Variants in VPS9D1 observed in about 807,000 individuals in gnomAD.
The protein encoded by VPS9D1 is VPS9 domain-containing protein 1.
A neutral mutation model predicts 75.8 loss-of-function variants in VPS9D1; 78 were observed. The ratio of observed to expected loss-of-function variants is 1.03; its 90% CI spans 0.86 to 1.24. The LOEUF is 1.24. Among genes scored for constraint, VPS9D1 ranks in the 50% most tolerant of loss-of-function variants. The pLI is 0.00. For synonymous variants in VPS9D1, 481 were observed against 385.6 expected (o/e 1.25, Z -2.90); for missense variants, 1,057 against 847.7 (o/e 1.25, Z -3.07).
intron 2 of VPS9D1, among the ~76,000 whole-genome samples, chr16:89,718,699 T>C (rs62068372): frequency 0.16 from 24,918 of 151,668 alleles, 2,659 homozygotes; most frequent in Middle Eastern, 0.31. Context: ...GGCTCAGCCA[T>C]GCCTTTTTCT....
At chr16:89,709,183 G>A in intron 12 of VPS9D1, 44 bp downstream of exon 12, 2 of 1,605,332 alleles carry the variant, frequency 1.2e-6, no homozygotes, top group East Asian at 2.2e-5. Context: ...GTCACCTACT[G>A]GGATGGGAGC....
At position 89,708,957 on chromosome 16, in the gene VPS9D1, C is replaced by A; in HGVS notation, c.1598-1G>T. On this transcript the variant is annotated splice_acceptor_variant, in intron 12 of 14. Coordinates refer to ENST00000389386, the MANE Select transcript of VPS9D1 (RefSeq NM_004913.3). LOFTEE classifies it high-confidence loss of function. Reference sequence around the variant, plus strand: ...ACACAGATGATCCGCAGGGTCCGCACTGCGCCCCAGACAGGGTTTCAGGGG... The same window carrying A: ...ACACAGATGATCCGCAGGGTCCGCAATGCGCCCCAGACAGGGTTTCAGGGG... The A allele has an allele frequency of 6.3e-7, 1 of 1,597,346 alleles. No individual in the cohort carries two copies. The highest frequency in any genetic ancestry group is 1.7e-5 in the Admixed American group (1 of 58,206).
Position 89,719,107 on chromosome 16 carries a change from G to C in VPS9D1, c.100-5C>G, listed in dbSNP as rs1397606627. On this transcript the variant is annotated splice_region_variant and splice_polypyrimidine_tract_variant and intron_variant, in intron 1 of 14. Coordinates refer to ENST00000389386, the MANE Select transcript of VPS9D1 (RefSeq NM_004913.3). ...CAGGTATTCCGTGTATGCCTCCTGT[G>C]TCCAGGAAAGAGAAAGAGTGGGGTC... 1.2e-6 allele frequency: 2 copies of C among 1,613,258 alleles called. No individual in the cohort carries two copies. Among genetic ancestry groups the C allele is most frequent in the African/African-American group, 1.3e-5 (1 of 75,056 alleles).
At chr16:89,709,024 C>CCCGGG in intron 12 of VPS9D1, 68 bp from the exon 13 acceptor site, 3 of 1,416,794 alleles carry the variant, frequency 2.1e-6, no homozygotes, top group Non-Finnish European at 2.8e-6. Context: ...CCTTATACCC[C>CCCGGG]GCCCACCCAC....
chr16:89,716,333 T>G lies in VPS9D1; in HGVS notation c.431+129A>C. ...GTGAGCCAAGATTGAGCCGCTGCAC[T>G]CCAGCCTGGGTGACAGAGTGAGACT... On this transcript the variant is annotated intron_variant, in intron 4 of 14. Coordinates refer to ENST00000389386, the MANE Select transcript of VPS9D1 (RefSeq NM_004913.3). 4 of 1,413,752 alleles carry G rather than the reference T, an allele frequency of 2.8e-6. No individual in the cohort carries two copies. In the South Asian group the frequency reaches 4.9e-5, roughly 17 times the overall value. The allele number at this position is 1,413,752 out of a possible 1,614,324, so 87.6% of individuals were successfully genotyped here.
intron 10 of VPS9D1, 81 bp downstream of exon 10, chr16:89,710,505 T>C: frequency 6.9e-7 from 1 of 1,449,924 alleles, no homozygotes; most frequent in Non-Finnish European, 9.3e-7. Flanking sequence ...AACAGACCCT[T>C]CCCCAAACAG....
At chr16:89,714,331 G>A (rs940592185) in intron 4 of VPS9D1, among the ~76,000 whole-genome samples, 1 of 152,060 alleles carries the variant, frequency 6.6e-6, no homozygotes, top group African/African-American at 2.4e-5. Flanking sequence ...GCCCAGGGAA[G>A]GCAAAAGATT....
At chr16:89,712,580 C>T (rs2060960479) in intron 5 of VPS9D1, 25 bp downstream of exon 5, 2 of 1,609,404 alleles carry the variant, frequency 1.2e-6, no homozygotes, top group African/African-American at 2.7e-5. Context: ...CACGCACCCC[C>T]AGGCCCTCCC....
chr16:89,712,061 C>A lies in VPS9D1; in HGVS notation c.645G>T (p.Gln215His). ...AGGAGTCCCACCTGTTGGCGGCCTC[C>A]TGGAGCCGCAGCCGGCGCTCCTCCA... Reference protein sequence around the residue: ...RKMEERRLRLQEAANRRFCSQ... With the variant: ...RKMEERRLRLHEAANRRFCSQ... Residue 215 changes from glutamine to histidine, a missense_variant, in exon 7 of 15, where the codon CAG becomes CAT. Gln to His is a conservative substitution (Grantham distance 24, BLOSUM62 0). Transcript: ENST00000389386. The A allele has an allele frequency of 6.5e-7, 1 of 1,548,706 alleles. No homozygotes were observed. Among genetic ancestry groups the A allele is most frequent in the Non-Finnish European group, 8.7e-7 (1 of 1,146,796 alleles).
intron 2 of VPS9D1, chr16:89,717,569 C>T: frequency 2.2e-6 from 1 of 456,528 alleles, no homozygotes; most frequent in Non-Finnish European, 4.4e-6. Context: ...CACCTCCCTG[C>T]TGCCCTTCAC....
rs756693039 is a variant in VPS9D1, at chr16:89,716,501, A to T, written c.392T>A (p.Phe131Tyr). The T allele has an allele frequency of 1.2e-6, 2 of 1,613,846 alleles. No homozygotes were observed. The highest frequency in any genetic ancestry group is 1.7e-6 in the Non-Finnish European group (2 of 1,179,952). Residue 131 changes from phenylalanine (F) to tyrosine (Y), a missense_variant, in exon 4 of 15, where the codon TTC (phenylalanine) becomes TAC (tyrosine). Transcript: ENST00000389386. Reference sequence around the variant, plus strand: ...TGACTCTGCCCCCTGAAGCTTCTGGAAGATCTCGGGTGGCAGAAAAGGAGA... The same window carrying T: ...TGACTCTGCCCCCTGAAGCTTCTGGTAGATCTCGGGTGGCAGAAAAGGAGA... ...KLSPFLPPEIFQKLQGAESQS... is the reference protein window; with the variant it reads ...KLSPFLPPEIYQKLQGAESQS...
chr16:89,710,760 A>AC lies in VPS9D1; in HGVS notation c.1083dup (p.Ser362ValfsTer30). 1.3e-6 allele frequency: 2 copies of AC among 1,566,544 alleles called. No individual in the cohort carries two copies. Among genetic ancestry groups the AC allele is most frequent in the Non-Finnish European group, 1.7e-6 (2 of 1,155,872 alleles). ...GCGGTGTCCCCCAGGGGTGAGGGAG[A>AC]CCCCACGGGGCCGGGTTGGAGTGGG... On this transcript the variant is annotated frameshift_variant, in exon 10 of 15. Coordinates refer to ENST00000389386, the MANE Select transcript of VPS9D1 (RefSeq NM_004913.3). LOFTEE classifies it high-confidence loss of function.
Position 89,710,757 on chromosome 16 carries a change from G to A in VPS9D1, c.1087C>T (p.Pro363Ser), listed in dbSNP as rs1349692881. 6.4e-6 allele frequency: 10 copies of A among 1,569,400 alleles called. No individual in the cohort carries two copies. The East Asian group carries it at 7.1e-5, about 11-fold the overall frequency. ...PPLQPGPVGS[P>S]SPLGDTASGL... ...GATGCGGTGTCCCCCAGGGGTGAGGGAGACCCCACGGGGCCGGGTTGGAGT... is the reference window on the plus strand; with the variant it reads ...GATGCGGTGTCCCCCAGGGGTGAGGAAGACCCCACGGGGCCGGGTTGGAGT... Residue 363 changes from proline (P) to serine (S), a missense_variant, in exon 10 of 15, where the codon CCC becomes TCC. By Grantham distance (74) the Pro-to-Ser change is moderately conservative. Coordinates refer to ENST00000389386, the MANE Select transcript of VPS9D1 (RefSeq NM_004913.3).
At chr16:89,710,260 G>A (rs901757236) in intron 10 of VPS9D1, among the ~76,000 whole-genome samples, 2 of 152,294 alleles carry the variant, frequency 1.3e-5, no homozygotes, top group Middle Eastern at 3.4e-3. Flanking sequence ...TGAGAATGAC[G>A]CCTGGACTGT....
intron 13 of VPS9D1, 59 bp from the exon 14 acceptor site, chr16:89,708,590 C>A (rs2060842472): frequency 1.9e-6 from 3 of 1,541,330 alleles, no homozygotes; most frequent in South Asian, 2.3e-5. Context: ...TCCGCAAACC[C>A]AGCAGCTGTG....
rs1257381302 is a variant in VPS9D1, at chr16:89,710,821, G to T, written c.1023C>A (p.Ser341Arg). The change falls in exon 10 of 15, where the codon AGC (serine) becomes AGA (arginine). Residue 341 changes from serine (S) to arginine (R), a missense_variant. Ser to Arg is a moderately radical substitution (Grantham distance 110, BLOSUM62 -1). Transcript: ENST00000389386. ...LHCMLSPPEP[S>R]AAPRPQDSPP... Reference sequence around the variant, plus strand: ...GACTGTCCTGGGGCCGCGGGGCTGCGCTGGGCTCGGGCGGGGACAGCATGC... The same window carrying T: ...GACTGTCCTGGGGCCGCGGGGCTGCTCTGGGCTCGGGCGGGGACAGCATGC... The T allele has an allele frequency of 2.1e-5, 33 of 1,535,258 alleles. No individual in the cohort carries two copies. Among genetic ancestry groups the T allele is most frequent in the Non-Finnish European group, 2.8e-5 (32 of 1,137,064 alleles).
chr16:89,713,294 G>A (rs537238789), intron 4 of VPS9D1, among the ~76,000 whole-genome samples: 31 of 149,876 alleles, frequency 2.1e-4, no homozygotes, highest in African/African-American at 4.4e-4. Context: ...TCGCTCTGTC[G>A]CCCAGGCTGG....
chr16:89,708,355 C>T, intron 14 of VPS9D1, 72 bp downstream of exon 14: 1 of 1,438,584 alleles, frequency 7.0e-7, no homozygotes, highest in Non-Finnish European at 9.5e-7. Flanking sequence ...TACTGACAAC[C>T]ACCGTTTAGG....
In VPS9D1 at chr16:89,710,469, T is replaced by C. The variant is rs925334453; in HGVS notation, c.1258+117A>G. The C allele has an allele frequency of 1.6e-5, 18 of 1,152,410 alleles. No homozygotes were observed. In the Admixed American group the frequency reaches 3.9e-4, roughly 25 times the overall value. The allele number at this position is 1,152,410 out of a possible 1,614,324, so 71.4% of individuals were successfully genotyped here. ...AGGGCTGAGGCGTGAGCTGGGTGGATGTAAGTCTGATCAGAGTCTCTGATC... is the reference window on the plus strand; with the variant it reads ...AGGGCTGAGGCGTGAGCTGGGTGGACGTAAGTCTGATCAGAGTCTCTGATC... On this transcript the variant is annotated intron_variant, in intron 10 of 14. Transcript: ENST00000389386.
Sources: gnomAD v4.1 joint callset for allele counts (sites outside exome capture counted in the v4.1 genomes callset) on GRCh38, gnomAD v4.1.1 for gene constraint, MANE v1.5 for transcripts, NCBI Gene and HGNC (gene_info 2026-07-23, HGNC 2026-07-21) for gene names.